The following GRIK4 variants were observed in gnomAD, a reference collection of about 807,000 sequenced individuals.
GRIK4 encodes the protein glutamate receptor ionotropic, kainate 4.
A neutral mutation model predicts 104.9 loss-of-function variants in GRIK4; 40 were observed. The observed-to-expected ratio is 0.38, with a 90% CI of 0.30 to 0.50. GRIK4 has a LOEUF of 0.50. GRIK4 is among the 20% of genes least tolerant of loss of function. The pLI, the probability that GRIK4 is intolerant of heterozygous loss-of-function variation, is 0.93. For synonymous variants in GRIK4, 485 were observed against 524.9 expected, an observed-to-expected ratio of 0.92 and a Z score of 1.04; for missense variants, 1,047 against 1,308.1, an observed-to-expected ratio of 0.80 and a Z score of 3.08.
chr11:120,512,464 G>C (rs1273964444), intron 1 of GRIK4, among the ~76,000 whole-genome samples: 1 of 151,118 alleles, frequency 6.6e-6, no homozygotes, highest in Non-Finnish European at 1.5e-5. Context: ...CACTGGACTC[G>C]GGCCACCACC....
chr11:120,813,385 C>T (rs755262489), intron 4 of GRIK4, among the ~76,000 whole-genome samples: 51 of 152,224 alleles, frequency 3.4e-4, no homozygotes, highest in Non-Finnish European at 5.6e-4. Context: ...ACTTCAAGCA[C>T]CTAGTGGGCT....
At chr11:120,693,102 T>A (rs548985491) in intron 3 of GRIK4, among the ~76,000 whole-genome samples, 2 of 151,776 alleles carry the variant, frequency 1.3e-5, no homozygotes, top group Non-Finnish European at 2.9e-5. Context: ...TGATTTTATT[T>A]TATTATTATT....
chr11:120,966,729 T>A (rs1944390478), intron 18 of GRIK4, among the ~76,000 whole-genome samples: 1 of 152,154 alleles, frequency 6.6e-6, no homozygotes, highest in Non-Finnish European at 1.5e-5. Context: ...AAGGTTTGTG[T>A]CACAGAAACA....
At chr11:120,673,207 C>A (rs1478073304) in intron 3 of GRIK4, among the ~76,000 whole-genome samples, 1 of 152,188 alleles carries the variant, frequency 6.6e-6, no homozygotes, top group African/African-American at 2.4e-5. Context: ...TTGTTTAGTT[C>A]TCTGCTGTTT....
chr11:120,672,289 A>G (rs7935087), intron 3 of GRIK4, among the ~76,000 whole-genome samples: 24,859 of 151,984 alleles, frequency 0.16, 2,274 homozygotes, highest in South Asian at 0.23. Context: ...GATGTCAGGC[A>G]CCTGCAATCC....
chr11:120,968,735 A>G (rs986635272), intron 19 of GRIK4, among the ~76,000 whole-genome samples: 3 of 152,234 alleles, frequency 2.0e-5, no homozygotes, highest in African/African-American at 7.2e-5. Context: ...GACACAGGGC[A>G]TGGGCAGACC....
At chr11:120,821,534 T>C (rs1953126960) in intron 6 of GRIK4, among the ~76,000 whole-genome samples, 1 of 152,206 alleles carries the variant, frequency 6.6e-6, no homozygotes, top group Admixed American at 6.5e-5. Flanking sequence ...AAGGTCACTC[T>C]CTAAGGAATG....
chr11:120,611,655 T>G (rs1326533068), intron 1 of GRIK4, among the ~76,000 whole-genome samples: 1 of 152,168 alleles, frequency 6.6e-6, no homozygotes, highest in Non-Finnish European at 1.5e-5. Context: ...TACCCCAGTC[T>G]CAGTTCAGCA....
intron 2 of GRIK4, among the ~76,000 whole-genome samples, chr11:120,656,393 A>C (rs1478941850): frequency 6.6e-6 from 1 of 152,232 alleles, no homozygotes; most frequent in Non-Finnish European, 1.5e-5. Context: ...CGGTTTAACT[A>C]TGATAAAGAC....
rs539906882 is a variant in GRIK4, at chr11:120,971,703, G to A, written c.2395+4380G>A. Among the ~76,000 whole-genome samples, 5 of 152,308 alleles carry A rather than the reference G, an allele frequency of 3.3e-5. No individual in the cohort carries two copies. In the South Asian group the frequency reaches 8.3e-4, roughly 25 times the overall value. On this transcript the variant is annotated intron_variant, in intron 19 of 20. Transcript: ENST00000527524. ...TAATAGCGGTATAAAGAGAATGTCT[G>A]GAAGCCCGGAAGAGGAAGTGATGAA...
chr11:120,728,765 A>G (rs1256731536), intron 3 of GRIK4, among the ~76,000 whole-genome samples: 1 of 152,164 alleles, frequency 6.6e-6, no homozygotes. Flanking sequence ...AAGCAATCCA[A>G]TTAAACTCTT....
intron 1 of GRIK4, among the ~76,000 whole-genome samples, chr11:120,562,279 AC>A (rs1317514591): frequency 6.6e-6 from 1 of 152,272 alleles, no homozygotes; most frequent in Non-Finnish European, 1.5e-5. Context: ...CAAAGCCGAG[AC>A]TTTTAATCAT....
At chr11:120,872,009 C>A (rs986122146) in intron 9 of GRIK4, 4 of 433,000 alleles carry the variant, frequency 9.2e-6, no homozygotes, top group Non-Finnish European at 1.9e-5. Context: ...TAAGCCCATC[C>A]ACCCTGCCTG....
chr11:120,866,021 G>A (rs549806471), intron 9 of GRIK4, among the ~76,000 whole-genome samples: 1 of 152,230 alleles, frequency 6.6e-6, no homozygotes, highest in Non-Finnish European at 1.5e-5. Flanking sequence ...GTTCTTGTGG[G>A]AACTGGAGTG....
At chr11:120,747,056 G>A (rs980610526) in intron 3 of GRIK4, among the ~76,000 whole-genome samples, 1 of 152,176 alleles carries the variant, frequency 6.6e-6, no homozygotes, top group Non-Finnish European at 1.5e-5. Context: ...TCAGTAATTG[G>A]TAGCTCTGTG....
At chr11:120,826,164 A>T (rs1331532582) in intron 6 of GRIK4, among the ~76,000 whole-genome samples, 1 of 152,216 alleles carries the variant, frequency 6.6e-6, no homozygotes, top group Non-Finnish European at 1.5e-5. Context: ...GATGGGCTCT[A>T]TCAACATTCT....
Position 120,802,842 on chromosome 11 carries a change from G to A in GRIK4, c.232G>A (p.Glu78Lys), listed in dbSNP as rs1257134927. ...IFELLRDSEY[E>K]TAETMCQILP... is the part of the protein sequence containing the mutation. ...TGAGCTTCTCAGAGACAGCGAGTAC[G>A]AGACTGCAGAAACCAGTACGTAGAC... Residue 78 changes from glutamate to lysine, a missense_variant, in exon 4 of 21, where the codon GAG becomes AAG. By Grantham distance (56) the Glu-to-Lys change is moderately conservative. This residue lies in a region of GRIK4 where 447 missense variants were observed against 514.9 expected (regional missense o/e 0.87). Transcript: ENST00000527524. The A allele has an allele frequency of 3.1e-6, 5 of 1,614,184 alleles. No homozygotes were observed. The highest frequency in any genetic ancestry group is 4.2e-6 in the Non-Finnish European group (5 of 1,180,012).
At chr11:120,772,977 G>A (rs1214655674) in intron 3 of GRIK4, among the ~76,000 whole-genome samples, 1 of 152,158 alleles carries the variant, frequency 6.6e-6, no homozygotes, top group Non-Finnish European at 1.5e-5. Flanking sequence ...TAAATTCAGT[G>A]CATATTTGTT....
rs1950278170 is a variant in GRIK4, at chr11:120,686,460, TC to T, written c.82+26062del. ...GGTATCTTTCCTAAAAACTGAAAGTTCCTTTTAGGCCAGGCTCATGGCCTTA... is the reference window on the plus strand; with the variant it reads ...GGTATCTTTCCTAAAAACTGAAAGTTCTTTTAGGCCAGGCTCATGGCCTTA... On this transcript the variant is annotated intron_variant, in intron 3 of 20. Transcript: ENST00000527524. Among the ~76,000 whole-genome samples the T allele has an allele frequency of 2.6e-5, 4 of 152,244 alleles. No homozygotes were observed. In the South Asian group the frequency reaches 6.2e-4, roughly 24 times the overall value.
Sources: gnomAD v4.1 joint callset for allele counts (sites outside exome capture counted in the v4.1 genomes callset) on GRCh38, gnomAD v4.1.1 for gene constraint, gnomAD v4.1.1 regional missense constraint, MANE v1.5 for transcripts, NCBI Gene and HGNC (gene_info 2026-07-23, HGNC 2026-07-21) for gene names.